Variants in PHEX observed in about 807,000 individuals in gnomAD.
The protein encoded by PHEX is phosphate-regulating neutral endopeptidase PHEX.
Under a neutral mutation model 68.0 loss-of-function variants are expected in PHEX, and 16 were observed. The ratio of observed to expected loss-of-function variants is 0.24; its 90% CI spans 0.16 to 0.36. The LOEUF is 0.36. PHEX is among the 10% of genes least tolerant of loss of function. PHEX has a pLI of 1.00. For missense variants in PHEX, 480 were observed against 575.5 expected (o/e 0.83, Z 1.70); for synonymous variants, 208 against 205.1 (o/e 1.01, Z -0.12).
intron 12 of PHEX, chrX:22,162,643 A>C (rs1020198535): frequency 3.6e-5 from 4 of 112,326 alleles, no homozygotes; most frequent in Non-Finnish European, 7.5e-5. Context: ...AATAGGTACT[A>C]ATTTTTAGTA....
At chrX:22,067,196 C>T (rs1035891684) in intron 3 of PHEX, among the ~76,000 whole-genome samples, 9 of 109,157 alleles carry the variant, frequency 8.2e-5, no homozygotes, top group African/African-American at 1.3e-4. Flanking sequence ...GAGCCAAGAT[C>T]GCGCCACTGC....
chrX:22,184,893 G>C (rs1321453061), intron 14 of PHEX, among the ~76,000 whole-genome samples: 1 of 112,217 alleles, frequency 8.9e-6, no homozygotes, highest in Non-Finnish European at 1.9e-5. Context: ...CTATAGCATG[G>C]AATGTGAGTG....
At chrX:22,183,995 G>A (rs1602368019) in intron 14 of PHEX, among the ~76,000 whole-genome samples, 1 of 111,555 alleles carries the variant, frequency 9.0e-6, no homozygotes, top group East Asian at 2.8e-4. Context: ...GAAATATACT[G>A]GCTTTGCAGG....
intron 9 of PHEX, among the ~76,000 whole-genome samples, chrX:22,103,698 C>T (rs1602296728): frequency 2.7e-5 from 3 of 111,969 alleles, no homozygotes; most frequent in South Asian, 3.6e-4. Context: ...TTTATCCATT[C>T]GTTGGTTGAT....
rs1212771386 is a variant in PHEX, at chrX:22,236,035, A to G, written c.2070+8424A>G. Among the ~76,000 whole-genome samples, 3 of 111,661 alleles carry G rather than the reference A, an allele frequency of 2.7e-5. No homozygotes were observed. In the Admixed American group the frequency reaches 2.9e-4, roughly 11 times the overall value. On this transcript the variant is annotated intron_variant, in intron 20 of 21. Transcript: ENST00000379374. The stretch of plus-strand genomic sequence containing the variant: ...CATAACTAACTCCACTGGGTGAGAA[A>G]AAACTCAGCCTTAGTGGGGCAAGTA...
At chrX:22,171,975 A>G (rs1176397713) in intron 13 of PHEX, 2 of 112,185 alleles carry the variant, frequency 1.8e-5, no homozygotes, top group Non-Finnish European at 3.8e-5. Context: ...TCAAGGAGAA[A>G]TGTTGAAAAT....
chrX:22,078,866 C>A (rs770958944), intron 5 of PHEX, among the ~76,000 whole-genome samples: 37 of 111,588 alleles, frequency 3.3e-4, no homozygotes, highest in Middle Eastern at 4.6e-3. Context: ...AAAGGACTCC[C>A]CTCTACTCAG....
At chrX:22,045,325 A>G (rs766207643) in intron 2 of PHEX, among the ~76,000 whole-genome samples, 2 of 111,796 alleles carry the variant, frequency 1.8e-5, no homozygotes, top group South Asian at 7.4e-4. Flanking sequence ...AAACAAAAAT[A>G]TATTCTGGCA....
chrX:22,108,110 T>C (rs1257540680), intron 9 of PHEX, among the ~76,000 whole-genome samples: 1 of 110,665 alleles, frequency 9.0e-6, no homozygotes, highest in Non-Finnish European at 1.9e-5. Flanking sequence ...TCTTGTCCTA[T>C]TAAGGAGTGG....
chrX:22,177,404 T>C (rs1274821380), intron 13 of PHEX, among the ~76,000 whole-genome samples: 1 of 111,530 alleles, frequency 9.0e-6, no homozygotes, highest in Non-Finnish European at 1.9e-5. Context: ...AACCCAAGCA[T>C]TGGAGGTCAC....
At chrX:22,092,894 C>T (rs943903133) in intron 6 of PHEX, among the ~76,000 whole-genome samples, 2 of 108,147 alleles carry the variant, frequency 1.8e-5, no homozygotes, top group South Asian at 4.1e-4. Context: ...AGACTACAGG[C>T]GTGCGCCACC....
chrX:22,074,601 G>A (rs1929062336), intron 3 of PHEX, among the ~76,000 whole-genome samples: 1 of 110,621 alleles, frequency 9.0e-6, no homozygotes, highest in Non-Finnish European at 1.9e-5. Context: ...TATAGCATCA[G>A]AACATCATCA....
intron 10 of PHEX, among the ~76,000 whole-genome samples, chrX:22,113,695 A>G (rs1477681763): frequency 9.1e-6 from 1 of 110,199 alleles, no homozygotes. Context: ...TGAGTGTGCT[A>G]CTCGGAGCAA....
At chrX:22,187,796 A>G (rs928017036) in intron 14 of PHEX, among the ~76,000 whole-genome samples, 1 of 111,897 alleles carries the variant, frequency 8.9e-6, no homozygotes, top group African/African-American at 3.2e-5. Context: ...TTTTATGGAA[A>G]TATGTCTAGG....
intron 20 of PHEX, among the ~76,000 whole-genome samples, chrX:22,232,596 C>CTTATTTTT (rs1935794922): frequency 5.4e-5 from 1 of 18,549 alleles, no homozygotes; most frequent in African/African-American, 1.9e-4. Flanking sequence ...GCCACTTCTG[C>CTTATTTTT]TTTTTTTTTT....
At chrX:22,218,403 C>A (rs1447886442) in intron 16 of PHEX, among the ~76,000 whole-genome samples, 1 of 111,093 alleles carries the variant, frequency 9.0e-6, no homozygotes, top group Non-Finnish European at 1.9e-5. Flanking sequence ...TTGTTGGTGT[C>A]CCCTTTTATA....
At chrX:22,224,082 A>T (rs188915729) in intron 18 of PHEX, among the ~76,000 whole-genome samples, 23 of 111,608 alleles carry the variant, frequency 2.1e-4, no homozygotes, top group African/African-American at 7.5e-4. Flanking sequence ...TCCCTGGTTC[A>T]AGTGATTCTC....
chrX:22,077,817 TA>T (rs1463006312), intron 5 of PHEX, 115 bp downstream of exon 5: 3 of 555,852 alleles, frequency 5.4e-6, no homozygotes, highest in Non-Finnish European at 9.5e-6. Context: ...AAAACACTTT[TA>T]TTGAATAGTA....
chrX:22,076,715 C>T (rs769052597), intron 4 of PHEX, among the ~76,000 whole-genome samples: 1 of 112,113 alleles, frequency 8.9e-6, no homozygotes, highest in South Asian at 3.7e-4. Context: ...GTATCATTTA[C>T]TCCCTGAGAA....
Sources: allele counts gnomAD v4.1 joint callset (sites outside exome capture counted in the v4.1 genomes callset), GRCh38; gene constraint gnomAD v4.1.1; transcripts MANE v1.5; gene names NCBI Gene and HGNC (gene_info 2026-07-23, HGNC 2026-07-21).